Variants in KIAA1549L observed in about 807,000 individuals in gnomAD.
The protein encoded by KIAA1549L is UPF0606 protein KIAA1549L.
KIAA1549L carries 88 observed loss-of-function variants against 160.7 expected under a neutral mutation model. That is an observed-to-expected ratio of 0.55 (90% confidence interval 0.46 to 0.65). The LOEUF (loss-of-function observed/expected upper bound fraction) is 0.65. Among genes scored for constraint, KIAA1549L ranks in the 30% least tolerant of loss-of-function variants. The probability of loss-of-function intolerance (pLI) is 0.00; values close to 1 mark genes in which losing one functional copy is unlikely to be tolerated. For synonymous variants in KIAA1549L, 950 were observed against 976.7 expected, an observed-to-expected ratio of 0.97 and a Z score of 0.51; for missense variants, 2,258 against 2,437.5, an observed-to-expected ratio of 0.93 and a Z score of 1.55.
At chr11:33,524,070 A>T (rs890970842) in intron 1 of KIAA1549L, among the ~76,000 whole-genome samples, 2 of 152,156 alleles carry the variant, frequency 1.3e-5, no homozygotes, top group African/African-American at 4.8e-5. Flanking sequence ...TTACCTATTT[A>T]AAAAAATAAG....
chr11:33,498,748 T>C (rs1852877246), intron 1 of KIAA1549L, among the ~76,000 whole-genome samples: 2 of 152,188 alleles, frequency 1.3e-5, no homozygotes, highest in Non-Finnish European at 2.9e-5. Flanking sequence ...ATGAAGTGTA[T>C]GTATACAGGG....
In KIAA1549L at chr11:33,621,189, G is replaced by T. The variant is rs147633926; in HGVS notation, c.5409+2527G>T. 3.3e-4 allele frequency among the ~76,000 whole-genome samples: 51 copies of T among 152,262 alleles called. 1 individual carries two copies. The East Asian group carries it at 8.5e-3, about 25-fold the overall frequency. On this transcript the variant is annotated intron_variant, in intron 16 of 20. Coordinates refer to ENST00000658780, the MANE Select transcript of KIAA1549L (RefSeq NM_012194.3). Reference sequence around the variant, plus strand: ...AATAAATGCATAAATAAGCAAATACGTGCTACACAGGCAAATCTTAGCACC... The same window carrying T: ...AATAAATGCATAAATAAGCAAATACTTGCTACACAGGCAAATCTTAGCACC...
chr11:33,629,839 G>A (rs1169076585), intron 16 of KIAA1549L, among the ~76,000 whole-genome samples: 18 of 149,978 alleles, frequency 1.2e-4, no homozygotes, highest in African/African-American at 2.8e-4. Context: ...GAGGAACTGC[G>A]TTCCTTTGGA....
At chr11:33,409,481 G>A (rs996340959) in intron 1 of KIAA1549L, among the ~76,000 whole-genome samples, 4 of 152,126 alleles carry the variant, frequency 2.6e-5, no homozygotes, top group African/African-American at 9.7e-5. Flanking sequence ...GTGCTTCAGT[G>A]ACATTTTTGC....
At chr11:33,651,628 C>T (rs1403873567) in intron 17 of KIAA1549L, among the ~76,000 whole-genome samples, 1 of 152,108 alleles carries the variant, frequency 6.6e-6, no homozygotes, top group African/African-American at 2.4e-5. Context: ...CTGTCCCCTG[C>T]AGCCTGTTAC....
chr11:33,635,851 G>C (rs1745355896), intron 16 of KIAA1549L, among the ~76,000 whole-genome samples: 1 of 152,188 alleles, frequency 6.6e-6, no homozygotes, highest in Admixed American at 6.5e-5. Flanking sequence ...CAGAAAATAT[G>C]ACAATATCCC....
At chr11:33,646,659 A>T (rs1348463659) in intron 17 of KIAA1549L, among the ~76,000 whole-genome samples, 2 of 152,228 alleles carry the variant, frequency 1.3e-5, no homozygotes, top group African/African-American at 4.8e-5. Flanking sequence ...GGCCATTGCA[A>T]CCTTACACAC....
intron 1 of KIAA1549L, among the ~76,000 whole-genome samples, chr11:33,460,274 A>AG (rs1244162417): frequency 6.6e-6 from 1 of 151,858 alleles, no homozygotes; most frequent in African/African-American, 2.4e-5. Context: ...CTCTGATGGG[A>AG]GGGGGGAGCA....
At chr11:33,507,085 A>G (rs966182682) in intron 1 of KIAA1549L, among the ~76,000 whole-genome samples, 41 of 152,196 alleles carry the variant, frequency 2.7e-4, no homozygotes, top group African/African-American at 9.9e-4. Flanking sequence ...GGGAACCAGC[A>G]AGGTGTAGCA....
At chr11:33,395,017 T>C (rs1327016447) in intron 1 of KIAA1549L, among the ~76,000 whole-genome samples, 1 of 152,224 alleles carries the variant, frequency 6.6e-6, no homozygotes, top group East Asian at 1.9e-4. Flanking sequence ...TCCCAGAAAG[T>C]AGAGGTAACA....
chr11:33,542,392 G>T lies in KIAA1549L; in HGVS notation c.829G>T (p.Ala277Ser). ...CAAAGTGCTGTTAGTTCCCCAAACA[G>T]CTCCAGCCGACCCCTCTTTAGGTCA... ...SPKVLLVPQTAPADPSLGQNI... is the reference protein window; with the variant it reads ...SPKVLLVPQTSPADPSLGQNI... Residue 277 changes from alanine (A) to serine (S), a missense_variant, in exon 2 of 21, where the codon GCT becomes TCT. Physicochemically the swap from Ala to Ser is moderately conservative, Grantham distance 99. Around this residue, in one of 6 missense-constraint regions of KIAA1549L, gnomAD observed 540 missense variants for 465.7 expected, o/e 1.16. Transcript: ENST00000658780. 7.3e-7 allele frequency: 1 copy of T among 1,368,762 alleles called. No individual in the cohort carries two copies. Among genetic ancestry groups the T allele is most frequent in the Non-Finnish European group, 1.0e-6 (1 of 999,578 alleles). The allele number at this position is 1,368,762 out of a possible 1,614,324, so 84.8% of individuals were successfully genotyped here. A position where few individuals can be genotyped will look rare whatever the true frequency, so the allele number is the denominator to read the frequency against.
At chr11:33,450,291 C>T (rs535955296) in intron 1 of KIAA1549L, among the ~76,000 whole-genome samples, 4 of 152,132 alleles carry the variant, frequency 2.6e-5, no homozygotes, top group Non-Finnish European at 5.9e-5. Context: ...GGCACAGTGG[C>T]CCACACCTGC....
chr11:33,498,907 C>T (rs981079403), intron 1 of KIAA1549L, among the ~76,000 whole-genome samples: 10 of 152,144 alleles, frequency 6.6e-5, no homozygotes, highest in Non-Finnish European at 1.2e-4. Flanking sequence ...TTACGTTAGC[C>T]AGTGATGGTG....
chr11:33,547,525 G>A (rs1054035555), intron 3 of KIAA1549L, among the ~76,000 whole-genome samples: 6 of 152,128 alleles, frequency 3.9e-5, no homozygotes, highest in South Asian at 4.1e-4. Context: ...GAAATGAAAC[G>A]CCACCAGCAT....
intron 1 of KIAA1549L, among the ~76,000 whole-genome samples, chr11:33,390,175 T>G (rs956344882): frequency 3.3e-5 from 5 of 152,214 alleles, no homozygotes; most frequent in African/African-American, 4.8e-5. Flanking sequence ...ACTGGTTCAG[T>G]GTCTCCCAGT....
chr11:33,500,786 T>A (rs976267350), intron 1 of KIAA1549L, among the ~76,000 whole-genome samples: 3 of 152,090 alleles, frequency 2.0e-5, no homozygotes, highest in African/African-American at 7.2e-5. Context: ...TATATACAAA[T>A]GTTGTATATG....
At chr11:33,644,386 G>T (rs991924550) in intron 16 of KIAA1549L, among the ~76,000 whole-genome samples, 1 of 152,178 alleles carries the variant, frequency 6.6e-6, no homozygotes, top group Non-Finnish European at 1.5e-5. Context: ...TTTAAGGAGG[G>T]AAGGACTCCC....
intron 10 of KIAA1549L, 95 bp from the exon 11 acceptor site, chr11:33,583,243 C>A: frequency 8.2e-7 from 1 of 1,216,036 alleles, no homozygotes; most frequent in Non-Finnish European, 1.2e-6. Flanking sequence ...GTCCTTCTGT[C>A]CAGGACTTGG....
At chr11:33,426,989 A>G (rs1266170137) in intron 1 of KIAA1549L, among the ~76,000 whole-genome samples, 1 of 152,196 alleles carries the variant, frequency 6.6e-6, no homozygotes, top group Non-Finnish European at 1.5e-5. Flanking sequence ...TCTGTGGTCA[A>G]ATGTGTTTTG....
Sources: gnomAD v4.1 joint callset for allele counts (sites outside exome capture counted in the v4.1 genomes callset) on GRCh38, gnomAD v4.1.1 for gene constraint, gnomAD v4.1.1 regional missense constraint, MANE v1.5 for transcripts, NCBI Gene and HGNC (gene_info 2026-07-23, HGNC 2026-07-21) for gene names.